The following NKAIN2 variants were observed in gnomAD, a reference collection of about 807,000 sequenced individuals.
NKAIN2 encodes sodium/potassium transporting ATPase interacting 2, also known as sodium/potassium-transporting ATPase subunit beta-1-interacting protein 2.
In NKAIN2, 14 loss-of-function variants were observed where a neutral mutation model predicts 32.6. The observed-to-expected ratio is 0.43, with a 90% CI of 0.28 to 0.67. The LOEUF is 0.67. Among genes scored for constraint, NKAIN2 ranks in the 30% least tolerant of loss-of-function variants. The probability of loss-of-function intolerance (pLI) is 0.17; values close to 1 mark genes in which losing one functional copy is unlikely to be tolerated. For synonymous variants in NKAIN2, 80 were observed against 87.2 expected (o/e 0.92, Z 0.46); for missense variants, 198 against 258.3 (o/e 0.77, Z 1.60).
At chr6:123,873,442 G>T (rs7743536) in intron 1 of NKAIN2, among the ~76,000 whole-genome samples, 84,651 of 152,010 alleles carry the variant, frequency 0.56, 23,825 homozygotes, top group East Asian at 0.68. Context: ...GGAAAGAATT[G>T]TGTGTTTCTT....
At chr6:124,759,716 A>G (rs372793025) in intron 4 of NKAIN2, among the ~76,000 whole-genome samples, 2 of 150,646 alleles carry the variant, frequency 1.3e-5, no homozygotes, top group Non-Finnish European at 1.5e-5. Flanking sequence ...ATACACTGCA[A>G]TGGTCTAAAT....
chr6:124,575,776 C>T (rs1222443796), intron 3 of NKAIN2, among the ~76,000 whole-genome samples: 3 of 152,172 alleles, frequency 2.0e-5, no homozygotes, highest in Non-Finnish European at 2.9e-5. Context: ...TACTGCTTCT[C>T]TCTTAATCTC....
chr6:123,895,870 C>T (rs189738032), intron 1 of NKAIN2, among the ~76,000 whole-genome samples: 2 of 151,062 alleles, frequency 1.3e-5, no homozygotes, highest in South Asian at 2.1e-4. Context: ...CTATAACATT[C>T]GTTCGTCTCC....
chr6:124,545,320 T>C (rs1231621296), intron 3 of NKAIN2, among the ~76,000 whole-genome samples: 2 of 152,130 alleles, frequency 1.3e-5, no homozygotes, highest in African/African-American at 4.8e-5. Flanking sequence ...AAAAAATCAT[T>C]TGAGACTGTC....
rs557507787 is a variant in NKAIN2 at position 124,489,939 on chromosome 6, T to C, written c.273+134592T>C. ...ATCGTCATTGCATTTCCCTCTTTGG[T>C]CATATGTAGGGCTATAATTATACAA... On this transcript the variant is annotated intron_variant, in intron 3 of 6. Transcript: ENST00000368417. Among the ~76,000 whole-genome samples the C allele has an allele frequency of 2.0e-5, 3 of 151,984 alleles. No individual in the cohort carries two copies. The South Asian group carries it at 6.2e-4, about 31-fold the overall frequency.
rs75716412 is a variant in NKAIN2, at chr6:123,843,761, G to A, written c.54+39507G>A. Among the ~76,000 whole-genome samples, 150 of 152,206 alleles carry A rather than the reference G, an allele frequency of 9.9e-4. 1 individual carries two copies. In the East Asian group the frequency reaches 0.021, roughly 22 times the overall value. The stretch of plus-strand genomic sequence containing the variant: ...AGAACAGGGGTTTGGGGCTTCTGAC[G>A]GGTGGTGGCGACGCAAGTTATGGGA... On this transcript the variant is annotated intron_variant, in intron 1 of 6. Coordinates refer to ENST00000368417, the MANE Select transcript of NKAIN2 (RefSeq NM_001040214.3).
chr6:124,708,900 C>T (rs1183116216), intron 4 of NKAIN2, among the ~76,000 whole-genome samples: 1 of 145,960 alleles, frequency 6.9e-6, no homozygotes, highest in Non-Finnish European at 1.5e-5. Context: ...TGAGAGAGGG[C>T]ATCCCTGTCT....
chr6:124,548,932 CA>C (rs1780189998), intron 3 of NKAIN2, among the ~76,000 whole-genome samples: 1 of 152,154 alleles, frequency 6.6e-6, no homozygotes, highest in African/African-American at 2.4e-5. Context: ...TGATTGGTGA[CA>C]GTTTTTGAGA....
chr6:123,997,826 A>G (rs1779696406), intron 1 of NKAIN2, among the ~76,000 whole-genome samples: 1 of 151,802 alleles, frequency 6.6e-6, no homozygotes, highest in Admixed American at 6.6e-5. Context: ...GATGGTCTCG[A>G]TCTTCTGACC....
At chr6:124,372,327 G>T (rs939547850) in intron 3 of NKAIN2, among the ~76,000 whole-genome samples, 18 of 152,110 alleles carry the variant, frequency 1.2e-4, no homozygotes, top group African/African-American at 4.1e-4. Flanking sequence ...TATTTTGAGT[G>T]GGATGTGCAG....
At chr6:124,133,951 T>C (rs984120529) in intron 1 of NKAIN2, among the ~76,000 whole-genome samples, 2 of 152,080 alleles carry the variant, frequency 1.3e-5, no homozygotes, top group African/African-American at 4.8e-5. Context: ...AAAAGTAGTT[T>C]TGGCAATATG....
chr6:124,243,577 A>G (rs1002553250), intron 1 of NKAIN2, among the ~76,000 whole-genome samples: 12 of 152,066 alleles, frequency 7.9e-5, no homozygotes, highest in African/African-American at 2.9e-4. Context: ...TGTATTGGAA[A>G]TGTCATCCAT....
At chr6:124,726,062 C>A (rs1221500494) in intron 4 of NKAIN2, among the ~76,000 whole-genome samples, 4 of 152,196 alleles carry the variant, frequency 2.6e-5, no homozygotes, top group Non-Finnish European at 5.9e-5. Context: ...GTCCTACGCC[C>A]ACGGAGTCTC....
At chr6:124,516,936 A>G (rs754204552) in intron 3 of NKAIN2, among the ~76,000 whole-genome samples, 7 of 152,156 alleles carry the variant, frequency 4.6e-5, no homozygotes, top group African/African-American at 1.2e-4. Context: ...TTAGTAATTA[A>G]TCAATGCTAT....
At chr6:124,766,613 G>A (rs1778526086) in intron 4 of NKAIN2, among the ~76,000 whole-genome samples, 1 of 152,178 alleles carries the variant, frequency 6.6e-6, no homozygotes, top group Admixed American at 6.5e-5. Context: ...ACATGGCCCA[G>A]ATTGGAGAAA....
intron 3 of NKAIN2, among the ~76,000 whole-genome samples, chr6:124,542,607 A>G (rs1779951364): frequency 6.6e-6 from 1 of 152,304 alleles, no homozygotes; most frequent in East Asian, 1.9e-4. Context: ...CTTTAAGTTT[A>G]GGTTAGGTAA....
chr6:124,596,663 G>GGGGTGT (rs367602258), intron 3 of NKAIN2, among the ~76,000 whole-genome samples: 1 of 142,516 alleles, frequency 7.0e-6, no homozygotes, highest in African/African-American at 2.6e-5. Context: ...TAAACCATAG[G>GGGGTGT]GTGTGTGTGT....
intron 1 of NKAIN2, among the ~76,000 whole-genome samples, chr6:123,980,856 A>G (rs988020167): frequency 1.4e-4 from 21 of 150,876 alleles, no homozygotes; most frequent in Non-Finnish European, 2.4e-4. Context: ...GGGGTGTTCT[A>G]TGCTTTTTTT....
chr6:124,232,717 T>C (rs1582893320), intron 1 of NKAIN2, among the ~76,000 whole-genome samples: 1 of 151,880 alleles, frequency 6.6e-6, no homozygotes. Flanking sequence ...TCTGCATCAA[T>C]TTGCCATCAC....
Sources: gnomAD v4.1 joint callset for allele counts (sites outside exome capture counted in the v4.1 genomes callset) on GRCh38, gnomAD v4.1.1 for gene constraint, MANE v1.5 for transcripts, NCBI Gene and HGNC (gene_info 2026-07-23, HGNC 2026-07-21) for gene names.